ZFHX3: variants seen among roughly 807,000 people sequenced by gnomAD.
The protein encoded by ZFHX3 is zinc finger homeobox protein 3.
A neutral mutation model predicts 279.1 loss-of-function variants in ZFHX3; 42 were observed. The ratio of observed to expected loss-of-function variants is 0.15; its 90% CI spans 0.12 to 0.19. The LOEUF (loss-of-function observed/expected upper bound fraction) is 0.19, where lower values mean the gene tolerates loss of function less well. Ranked by LOEUF, ZFHX3 falls within the 10% of genes least tolerant of loss-of-function variation. The pLI, the probability that ZFHX3 is intolerant of heterozygous loss-of-function variation, is 1.00. For missense variants in ZFHX3, 4,981 were observed against 4,754.0 expected, an observed-to-expected ratio of 1.05 and a Z score of -1.40; for synonymous variants, 2,293 against 1,957.8, an observed-to-expected ratio of 1.17 and a Z score of -4.52.
At chr16:72,855,031 T>C (rs2037720971) in intron 4 of ZFHX3, among the ~76,000 whole-genome samples, 1 of 151,582 alleles carries the variant, frequency 6.6e-6, no homozygotes, top group South Asian at 2.1e-4. Flanking sequence ...AGCAAAATAC[T>C]CTACTGTACG....
intron 1 of ZFHX3, among the ~76,000 whole-genome samples, chr16:73,780,272 T>C (rs1230429912): frequency 6.6e-6 from 1 of 150,564 alleles, no homozygotes; most frequent in East Asian, 2.0e-4. Context: ...CTCAGCCTCC[T>C]GAGTAGCTGG....
intron 2 of ZFHX3, among the ~76,000 whole-genome samples, chr16:73,655,702 T>G (rs1165079774): frequency 6.6e-6 from 1 of 152,194 alleles, no homozygotes; most frequent in Non-Finnish European, 1.5e-5. Context: ...CTAAAAACCC[T>G]GGTATTACCA....
intron 3 of ZFHX3, among the ~76,000 whole-genome samples, chr16:73,344,895 A>G (rs980202381): frequency 6.6e-6 from 1 of 152,226 alleles, no homozygotes; most frequent in African/African-American, 2.4e-5. Flanking sequence ...CATTGCTCAC[A>G]GATCTTTGAG....
chr16:73,654,854 C>CTTTTT (rs1382941693), intron 2 of ZFHX3, among the ~76,000 whole-genome samples: 8 of 64,130 alleles, frequency 1.2e-4, no homozygotes, highest in Middle Eastern at 0.017. Flanking sequence ...ATAGTAATCA[C>CTTTTT]TTTTTTTTTT....
chr16:73,590,957 A>G (rs149475726), intron 2 of ZFHX3, among the ~76,000 whole-genome samples: 1 of 152,302 alleles, frequency 6.6e-6, no homozygotes, highest in African/African-American at 2.4e-5. Flanking sequence ...AGATCTAACT[A>G]TGAATTTACA....
At chr16:73,525,581 AC>A (rs1364354602) in intron 2 of ZFHX3, among the ~76,000 whole-genome samples, 7 of 152,198 alleles carry the variant, frequency 4.6e-5, no homozygotes, top group Non-Finnish European at 1.5e-5. Flanking sequence ...GCATCTTGGT[AC>A]AAGGGTACAA....
At chr16:72,967,450 C>T (rs1338656395) in intron 1 of ZFHX3, among the ~76,000 whole-genome samples, 3 of 151,172 alleles carry the variant, frequency 2.0e-5, no homozygotes. Flanking sequence ...CAAGTCCCTA[C>T]TTTAAGAAAA....
intron 8 of ZFHX3, among the ~76,000 whole-genome samples, chr16:73,075,781 A>G (rs1359735259): frequency 6.6e-6 from 1 of 151,970 alleles, no homozygotes; most frequent in Non-Finnish European, 1.5e-5. Context: ...CTACAGGTGC[A>G]TGCCACTATG....
chr16:73,833,427 G>A (rs1471568561), intron 1 of ZFHX3, among the ~76,000 whole-genome samples: 2 of 152,110 alleles, frequency 1.3e-5, no homozygotes, highest in Non-Finnish European at 2.9e-5. Context: ...CACAGTTCCT[G>A]TCCTCAAGAA....
At chr16:73,850,455 A>G (rs1961566121) in intron 1 of ZFHX3, among the ~76,000 whole-genome samples, 1 of 152,222 alleles carries the variant, frequency 6.6e-6, no homozygotes, top group African/African-American at 2.4e-5. Context: ...GTCTGATTTC[A>G]CAGAAACAAC....
At chr16:73,720,262 C>T (rs2053461621) in intron 1 of ZFHX3, among the ~76,000 whole-genome samples, 1 of 152,152 alleles carries the variant, frequency 6.6e-6, no homozygotes, top group Admixed American at 6.5e-5. Flanking sequence ...AATCTGGCAA[C>T]ATTTATCAAC....
chr16:73,230,488 A>T (rs911430262), intron 5 of ZFHX3, among the ~76,000 whole-genome samples: 7 of 152,192 alleles, frequency 4.6e-5, no homozygotes, highest in African/African-American at 1.7e-4. Context: ...AATCCTCCCT[A>T]GTGCCCCATT....
At chr16:73,534,030 A>T (rs1221327647) in intron 2 of ZFHX3, among the ~76,000 whole-genome samples, 1 of 152,178 alleles carries the variant, frequency 6.6e-6, no homozygotes, top group Non-Finnish European at 1.5e-5. Context: ...AGGTGAGATC[A>T]TGTTACTCCT....
rs2144074102 is a variant in ZFHX3, at chr16:72,889,815, G to C, written c.3364C>G (p.Gln1122Glu). Residue 1122 changes from glutamine to glutamate, a missense_variant, in exon 4 of 10, where the codon CAG (glutamine) becomes GAG (glutamate). Physicochemically the swap from Gln to Glu is conservative, Grantham distance 29. This residue lies in a region of ZFHX3 where 1,751 missense variants were observed against 1,770.0 expected (regional missense o/e 0.99). Transcript: ENST00000268489. Reference protein sequence around the residue: ...HQRSESLRKLQRLQKGLPEED... With the variant: ...HQRSESLRKLERLQKGLPEED... ...TCTGGAAGGCCCTTCTGCAGCCGCT[G>C]CAGCTTTCGCAGGCTCTCGCTTCGC... is the stretch of plus-strand genomic sequence containing the variant. 6.2e-7 allele frequency: 1 copy of C among 1,613,894 alleles called. No homozygotes were observed. The highest frequency in any genetic ancestry group is 8.5e-7 in the Non-Finnish European group (1 of 1,180,044).
At chr16:73,212,055 C>A (rs2012037960) in intron 5 of ZFHX3, among the ~76,000 whole-genome samples, 1 of 151,976 alleles carries the variant, frequency 6.6e-6, no homozygotes, top group Non-Finnish European at 1.5e-5. Context: ...ATTAATAATT[C>A]TTCTGTAGGA....
At chr16:73,445,632 A>G (rs2143547456) in intron 3 of ZFHX3, among the ~76,000 whole-genome samples, 1 of 152,274 alleles carries the variant, frequency 6.6e-6, no homozygotes, top group South Asian at 2.1e-4. Flanking sequence ...TAGGGGAAAA[A>G]ATGGTAAAAT....
At chr16:73,760,909 C>T (rs541601150) in intron 1 of ZFHX3, among the ~76,000 whole-genome samples, 1 of 151,666 alleles carries the variant, frequency 6.6e-6, no homozygotes, top group Admixed American at 6.6e-5. Context: ...CCCTTGAAAA[C>T]TGCCACAAGA....
intron 4 of ZFHX3, among the ~76,000 whole-genome samples, chr16:73,283,515 G>A (rs1270083211): frequency 2.0e-5 from 3 of 152,066 alleles, no homozygotes; most frequent in Non-Finnish European, 4.4e-5. Flanking sequence ...GCTACTGGGG[G>A]GACTATCAAC....
At chr16:73,212,163 G>GAA (rs75708613) in intron 5 of ZFHX3, among the ~76,000 whole-genome samples, 1 of 127,056 alleles carries the variant, frequency 7.9e-6, no homozygotes, top group Non-Finnish European at 1.6e-5. Context: ...TAAGCAAAAA[G>GAA]AAAAAAAAAA....
Sources: gnomAD v4.1 joint callset for allele counts (sites outside exome capture counted in the v4.1 genomes callset) on GRCh38, gnomAD v4.1.1 for gene constraint, gnomAD v4.1.1 regional missense constraint, MANE v1.5 for transcripts, NCBI Gene and HGNC (gene_info 2026-07-23, HGNC 2026-07-21) for gene names.